GHR: variants seen among roughly 807,000 people sequenced by gnomAD.
The protein encoded by GHR is growth hormone receptor.
GHR carries 35 observed loss-of-function variants against 67.1 expected under a neutral mutation model. The observed-to-expected ratio is 0.52, with a 90% CI of 0.40 to 0.69. The LOEUF is 0.69. Ranked by LOEUF, GHR falls within the 30% of genes least tolerant of loss-of-function variation. The pLI is 0.00. For synonymous variants in GHR, 272 were observed against 269.1 expected, an observed-to-expected ratio of 1.01 and a Z score of -0.10; for missense variants, 792 against 764.6, an observed-to-expected ratio of 1.04 and a Z score of -0.42.
intron 2 of GHR, among the ~76,000 whole-genome samples, chr5:42,618,603 A>G (rs1490219917): frequency 6.6e-6 from 1 of 152,174 alleles, no homozygotes; most frequent in African/African-American, 2.4e-5. Flanking sequence ...GATACAGCAT[A>G]AGACATAATT....
At chr5:42,576,109 A>AAAATAAAATAAAATAAAAT (rs1750699452) in intron 2 of GHR, among the ~76,000 whole-genome samples, 1 of 86,010 alleles carries the variant, frequency 1.2e-5, no homozygotes, top group East Asian at 2.5e-4. Context: ...TAAATAAAAT[A>AAAATAAAATAAAATAAAAT]AAATAAAATA....
At chr5:42,620,209 A>G (rs1336873039) in intron 2 of GHR, among the ~76,000 whole-genome samples, 2 of 152,132 alleles carry the variant, frequency 1.3e-5, no homozygotes, top group Non-Finnish European at 2.9e-5. Context: ...GTACTTTAGA[A>G]TCTTCTTTTG....
intron 1 of GHR, among the ~76,000 whole-genome samples, chr5:42,504,304 G>T (rs1397457960): frequency 1.3e-5 from 2 of 152,170 alleles, no homozygotes; most frequent in South Asian, 2.1e-4. Flanking sequence ...AAGGGAGCTT[G>T]CTAGGCCAGG....
chr5:42,620,513 A>G (rs1753388251), intron 2 of GHR, among the ~76,000 whole-genome samples: 1 of 152,098 alleles, frequency 6.6e-6, no homozygotes, highest in Admixed American at 6.5e-5. Context: ...TAAAAACAAA[A>G]TTGGTGTTGT....
At chr5:42,479,234 C>T (rs955583354) in intron 1 of GHR, among the ~76,000 whole-genome samples, 2 of 152,214 alleles carry the variant, frequency 1.3e-5, no homozygotes, top group Non-Finnish European at 2.9e-5. Flanking sequence ...AGGGATGAAG[C>T]CAGCTTGATC....
chr5:42,648,607 G>T (rs532256251), intron 3 of GHR, among the ~76,000 whole-genome samples: 9 of 151,966 alleles, frequency 5.9e-5, no homozygotes, highest in African/African-American at 2.2e-4. Context: ...TCGGAAATCT[G>T]GGAATTCAGT....
chr5:42,692,751 A>ATTCT (rs1757477222), intron 4 of GHR, among the ~76,000 whole-genome samples: 1 of 152,200 alleles, frequency 6.6e-6, no homozygotes, highest in Non-Finnish European at 1.5e-5. Flanking sequence ...GAATCATGAA[A>ATTCT]GAGCTAATCT....
chr5:42,686,992 A>G (rs1290600554), intron 3 of GHR, among the ~76,000 whole-genome samples: 1 of 152,214 alleles, frequency 6.6e-6, no homozygotes, highest in Non-Finnish European at 1.5e-5. Flanking sequence ...TCAGGATACG[A>G]AATCAAAGTG....
intron 1 of GHR, among the ~76,000 whole-genome samples, chr5:42,453,372 C>T (rs1744130026): frequency 1.3e-5 from 2 of 152,090 alleles, no homozygotes; most frequent in South Asian, 2.1e-4. Context: ...GGGGAGGTAT[C>T]CCCCGGCAGG....
At chr5:42,474,009 G>A (rs1357890909) in intron 1 of GHR, among the ~76,000 whole-genome samples, 7 of 151,722 alleles carry the variant, frequency 4.6e-5, no homozygotes, top group Admixed American at 1.3e-4. Flanking sequence ...CCAACATGGC[G>A]AAACCTTATC....
chr5:42,537,555 G>T (rs1435425423), intron 1 of GHR, among the ~76,000 whole-genome samples: 2 of 152,104 alleles, frequency 1.3e-5, no homozygotes, highest in African/African-American at 4.8e-5. Flanking sequence ...TAAATTTATT[G>T]AGGCTTATTT....
At chr5:42,500,326 G>A (rs1380081920) in intron 1 of GHR, among the ~76,000 whole-genome samples, 1 of 152,254 alleles carries the variant, frequency 6.6e-6, no homozygotes. Flanking sequence ...AGCTTCTGTA[G>A]CTGCGGTTAA....
At chr5:42,648,413 C>T (rs982842888) in intron 3 of GHR, among the ~76,000 whole-genome samples, 1 of 152,028 alleles carries the variant, frequency 6.6e-6, no homozygotes, top group African/African-American at 2.4e-5. Flanking sequence ...AGCATGTGAA[C>T]GCATGGATGT....
intron 1 of GHR, among the ~76,000 whole-genome samples, chr5:42,489,777 A>C (rs1746034939): frequency 6.6e-6 from 1 of 152,194 alleles, no homozygotes; most frequent in Admixed American, 6.5e-5. Flanking sequence ...CAAATCCAGA[A>C]GTTATGGCCA....
chr5:42,437,452 G>T (rs1039381924), intron 1 of GHR, among the ~76,000 whole-genome samples: 18 of 152,134 alleles, frequency 1.2e-4, no homozygotes, highest in African/African-American at 4.1e-4. Context: ...CTGCAAAGTG[G>T]TGTGCTTTCA....
chr5:42,439,878 C>T (rs1418230790), intron 1 of GHR, among the ~76,000 whole-genome samples: 2 of 152,176 alleles, frequency 1.3e-5, no homozygotes, highest in African/African-American at 4.8e-5. Context: ...ATCAAACCCT[C>T]CTAGTCCTTC....
chr5:42,508,330 G>T (rs755984197), intron 1 of GHR, among the ~76,000 whole-genome samples: 4 of 152,126 alleles, frequency 2.6e-5, no homozygotes, highest in Non-Finnish European at 4.4e-5. Flanking sequence ...CAGTAAGTAG[G>T]CATGGAATCA....
intron 1 of GHR, among the ~76,000 whole-genome samples, chr5:42,460,907 C>T (rs1165299755): frequency 6.6e-6 from 1 of 152,160 alleles, no homozygotes; most frequent in Non-Finnish European, 1.5e-5. Context: ...TCTTCTAGGA[C>T]CTAATGTAAT....
rs11400007 is a variant in GHR at position 42,576,099 on chromosome 5, T to TAAAATAAAATA, written c.70+10158_70+10159insATAAAATAAAA. Among the ~76,000 whole-genome samples the TAAAATAAAATA allele has an allele frequency of 1.6e-4, 11 of 69,206 alleles. 1 individual carries two copies. The highest frequency in any genetic ancestry group is 4.9e-4 in the East Asian group (1 of 2,030). The allele number at this position is 69,206 out of a possible 152,430, so 45.4% of individuals were successfully genotyped here. A position where few individuals can be genotyped will look rare whatever the true frequency, so the allele number is the denominator to read the frequency against. On this transcript the variant is annotated intron_variant, in intron 2 of 9. Transcript: ENST00000230882. Reference sequence around the variant, plus strand: ...TAAAATAAAATAAAATAAAATAAAATAAATAAAATAAAATAAAATAAAATA... The same window carrying TAAAATAAAATA: ...TAAAATAAAATAAAATAAAATAAAATAAAATAAAATAAAATAAAATAAAATAAAATAAAATA...
Sources: allele counts gnomAD v4.1 joint callset (sites outside exome capture counted in the v4.1 genomes callset), GRCh38; gene constraint gnomAD v4.1.1; transcripts MANE v1.5; gene names NCBI Gene and HGNC (gene_info 2026-07-23, HGNC 2026-07-21).